Variants in TDO2 observed in about 807,000 individuals in gnomAD.
TDO2 encodes the protein tryptophan 2,3-dioxygenase, also known as tryptamin 2,3-dioxygenase.
TDO2 carries 63 observed loss-of-function variants against 61.2 expected under a neutral mutation model. That is an observed-to-expected ratio of 1.03 (90% CI 0.84 to 1.27). The LOEUF (loss-of-function observed/expected upper bound fraction) is 1.27. Ranked by LOEUF, TDO2 falls within the 50% of genes most tolerant of loss-of-function variation. The pLI, the probability that TDO2 is intolerant of heterozygous loss-of-function variation, is 0.00. For synonymous variants in TDO2, 183 were observed against 164.0 expected, an observed-to-expected ratio of 1.12 and a Z score of -0.89; for missense variants, 494 against 469.5, an observed-to-expected ratio of 1.05 and a Z score of -0.48.
intron 10 of TDO2, 63 bp from the exon 11 acceptor site, chr4:155,918,086 T>C: frequency 1.3e-6 from 2 of 1,512,174 alleles, no homozygotes; most frequent in Non-Finnish European, 1.8e-6. Context: ...CCCCTCATTG[T>C]TAGAACATTG....
At chr4:155,904,905 T>G (rs1182202559) in intron 2 of TDO2, among the ~76,000 whole-genome samples, 162 bp from the exon 3 acceptor site, 1 of 152,200 alleles carries the variant, frequency 6.6e-6, no homozygotes, top group Non-Finnish European at 1.5e-5. Context: ...TTCAATTCAC[T>G]CTTTATGATG....
chr4:155,916,298 G>A (rs373987227), intron 9 of TDO2, among the ~76,000 whole-genome samples: 2,767 of 145,872 alleles, frequency 0.019, 96 homozygotes, highest in African/African-American at 0.066. Flanking sequence ...CTCCCGAGTA[G>A]CTGGGACTAC....
Position 155,917,469 on chromosome 4 carries a change from G to A in TDO2, c.971G>A (p.Trp324Ter), listed in dbSNP as rs1223455765. 3 of 1,609,920 alleles carry A rather than the reference G, an allele frequency of 1.9e-6. No homozygotes were observed. The highest frequency in any genetic ancestry group is 2.7e-5 in the African/African-American group (2 of 74,810). Residue 324 changes from tryptophan to a stop codon, truncating the protein, a stop_gained, in exon 10 of 12, where the codon TGG becomes TAG. Coordinates refer to ENST00000536354, the MANE Select transcript of TDO2 (RefSeq NM_005651.4). LOFTEE classifies it high-confidence loss of function. ...GACATAGATTCACTGATGACCAAATGGAGATGTAAGTCCTTCCCACTCACC... is the reference window on the plus strand; with the variant it reads ...GACATAGATTCACTGATGACCAAATAGAGATGTAAGTCCTTCCCACTCACC... ...LMDIDSLMTK[W>*]RYNHVCMVHR...
rs1579333762 is a variant in TDO2, at chr4:155,920,257, C to T, written c.*267C>T. Reference sequence around the variant, plus strand: ...TTTCCCCTGAGACTTAATGTAACCACTTAATGTAATCACTATCTCATTGTT... The same window carrying T: ...TTTCCCCTGAGACTTAATGTAACCATTTAATGTAATCACTATCTCATTGTT... On this transcript the variant is annotated 3_prime_UTR_variant, in exon 12 of 12. Transcript: ENST00000536354. The T allele has an allele frequency of 2.5e-6, 1 of 400,998 alleles. No homozygotes were observed. The highest frequency in any genetic ancestry group is 4.4e-6 in the Non-Finnish European group (1 of 225,844). 24.8% of individuals were successfully genotyped at this position (400,998 alleles called of 1,614,324 possible).
At chr4:155,909,577 T>C (rs1742779833) in intron 5 of TDO2, among the ~76,000 whole-genome samples, 2 of 152,266 alleles carry the variant, frequency 1.3e-5, no homozygotes, top group Non-Finnish European at 1.5e-5. Flanking sequence ...TTTAAAACGT[T>C]AAAGTCTTAG....
At chr4:155,909,251 G>A (rs1400885682) in intron 5 of TDO2, among the ~76,000 whole-genome samples, 3 of 152,100 alleles carry the variant, frequency 2.0e-5, no homozygotes, top group Non-Finnish European at 2.9e-5. Flanking sequence ...ATCACTGTGT[G>A]TTCTGTTTTT....
intron 8 of TDO2, among the ~76,000 whole-genome samples, chr4:155,914,886 A>T (rs1742903501): frequency 6.6e-6 from 1 of 152,144 alleles, no homozygotes. Flanking sequence ...TCTCATATTC[A>T]TGTGGTCCAG....
At chr4:155,904,962 T>G in intron 2 of TDO2, 105 bp from the exon 3 acceptor site, 1 of 686,048 alleles carries the variant, frequency 1.5e-6, no homozygotes, top group Non-Finnish European at 2.4e-6. Flanking sequence ...TCTGAGAATT[T>G]TGAGTTTGGA....
intron 8 of TDO2, 24 bp downstream of exon 8, chr4:155,914,458 C>A (rs143939576): frequency 3.3e-6 from 5 of 1,502,940 alleles, no homozygotes; most frequent in East Asian, 4.8e-5. Flanking sequence ...CTTTATGAAT[C>A]TTTTCCCTGG....
intron 8 of TDO2, 125 bp from the exon 9 acceptor site, chr4:155,915,730 A>C: frequency 1.5e-6 from 1 of 659,722 alleles, no homozygotes; most frequent in Non-Finnish European, 2.5e-6. Context: ...AAAAAATGTA[A>C]ACTGAAACTT....
In TDO2 at chr4:155,905,889, A is replaced by G. The variant is rs945559279; in HGVS notation, c.232+732A>G. 4.6e-5 allele frequency: 7 copies of G among 152,098 alleles called. 1 individual carries two copies. The highest frequency in any genetic ancestry group is 4.6e-4 in the Admixed American group (7 of 15,260). 9.4% of individuals were successfully genotyped at this position (152,098 alleles called of 1,614,324 possible). A position where few individuals can be genotyped will look rare whatever the true frequency, so the allele number is the denominator to read the frequency against. On this transcript the variant is annotated intron_variant, in intron 3 of 11. Transcript: ENST00000536354. ...CCTCAAATGGATGCTTTCCAATGTG[A>G]TTGAGTAAATTAATAAACTCTGGTA...
At chr4:155,912,320 C>T (rs188250344) in intron 7 of TDO2, among the ~76,000 whole-genome samples, 5 of 152,220 alleles carry the variant, frequency 3.3e-5, no homozygotes, top group Non-Finnish European at 4.4e-5. Flanking sequence ...TAAATAAATA[C>T]TTGTAAAGCA....
At chr4:155,918,414 T>C (rs549332568) in intron 11 of TDO2, among the ~76,000 whole-genome samples, 175 bp downstream of exon 11, 108 of 152,354 alleles carry the variant, frequency 7.1e-4, no homozygotes, top group African/African-American at 2.6e-3. Flanking sequence ...TTATAAAATC[T>C]TTAATTATGA....
intron 10 of TDO2, 71 bp from the exon 11 acceptor site, chr4:155,918,078 C>T: frequency 1.4e-6 from 2 of 1,438,336 alleles, no homozygotes; most frequent in Non-Finnish European, 9.7e-7. Flanking sequence ...ATTACCAACC[C>T]CTCATTGTTA....
At chr4:155,909,532 A>T (rs947015944) in intron 5 of TDO2, among the ~76,000 whole-genome samples, 7 of 152,214 alleles carry the variant, frequency 4.6e-5, no homozygotes, top group African/African-American at 1.7e-4. Flanking sequence ...TGTCCTGAAC[A>T]TGTCTGACAA....
intron 8 of TDO2, among the ~76,000 whole-genome samples, chr4:155,915,538 C>T (rs942614223): frequency 6.6e-6 from 1 of 152,104 alleles, no homozygotes; most frequent in African/African-American, 2.4e-5. Flanking sequence ...GACACATATT[C>T]TTTTACTCGG....
chr4:155,908,297 A>G (rs1742756589), intron 4 of TDO2, among the ~76,000 whole-genome samples: 1 of 151,842 alleles, frequency 6.6e-6, no homozygotes, highest in South Asian at 2.1e-4. Context: ...GAGGAGGGAA[A>G]GCTTCCAGTG....
At chr4:155,917,533 T>C in intron 10 of TDO2, 59 bp downstream of exon 10, 1 of 1,430,834 alleles carries the variant, frequency 7.0e-7, no homozygotes, top group South Asian at 1.3e-5. Context: ...GTGCTCTTTA[T>C]CTTGGTCTTC....
rs777761616 is a variant in TDO2, at chr4:155,920,271, T to C, written c.*281T>C. 67 of 356,380 alleles carry C rather than the reference T, an allele frequency of 1.9e-4. 1 individual carries two copies. The highest frequency in any genetic ancestry group is 1.1e-3 in the Admixed American group (24 of 21,634). 22.1% of individuals were successfully genotyped at this position (356,380 alleles called of 1,614,324 possible). ...TAATGTAACCACTTAATGTAATCAC[T>C]ATCTCATTGTTTCATCTTTATAAAC... is the stretch of plus-strand genomic sequence containing the variant. On this transcript the variant is annotated 3_prime_UTR_variant, in exon 12 of 12. Coordinates refer to ENST00000536354, the MANE Select transcript of TDO2 (RefSeq NM_005651.4).
Sources: allele counts gnomAD v4.1 joint callset (sites outside exome capture counted in the v4.1 genomes callset), GRCh38; gene constraint gnomAD v4.1.1; transcripts MANE v1.5; gene names NCBI Gene and HGNC (gene_info 2026-07-23, HGNC 2026-07-21).